The following PACRG variants were observed in gnomAD, a reference collection of about 807,000 sequenced individuals.
The protein encoded by PACRG is parkin coregulated gene protein.
PACRG carries 29 observed loss-of-function variants against 29.7 expected under a neutral mutation model. That is an observed-to-expected ratio of 0.98 (90% CI 0.73 to 1.33). The LOEUF is 1.33. PACRG is among the 40% of genes most tolerant of loss of function. The pLI, the probability that PACRG is intolerant of heterozygous loss-of-function variation, is 0.00. For synonymous variants in PACRG, 116 were observed against 118.7 expected, an observed-to-expected ratio of 0.98 and a Z score of 0.15; for missense variants, 279 against 316.2, an observed-to-expected ratio of 0.88 and a Z score of 0.89.
At chr6:162,805,426 G>A (rs1786238451) in intron 1 of PACRG, among the ~76,000 whole-genome samples, 2 of 152,170 alleles carry the variant, frequency 1.3e-5, no homozygotes, top group African/African-American at 2.4e-5. Flanking sequence ...CTTTTTGCTG[G>A]TGGAGGGTCT....
chr6:162,916,360 T>C (rs1014048906), intron 2 of PACRG, among the ~76,000 whole-genome samples: 13 of 152,178 alleles, frequency 8.5e-5, no homozygotes, highest in African/African-American at 3.1e-4. Flanking sequence ...ATGTGTTTGG[T>C]CATGGTTTCT....
At chr6:162,836,375 A>C (rs1296626488) in intron 2 of PACRG, among the ~76,000 whole-genome samples, 1 of 152,044 alleles carries the variant, frequency 6.6e-6, no homozygotes, top group African/African-American at 2.4e-5. Flanking sequence ...TCCTCTTCGC[A>C]TTCTCCTCAA....
At position 163,055,512 on chromosome 6, in the gene PACRG, C is replaced by G. The variant is rs903738400; in HGVS notation, c.292-6638C>G. On this transcript the variant is annotated intron_variant, in intron 2 of 4. Coordinates refer to ENST00000366888, the MANE Select transcript of PACRG (RefSeq NM_001080379.2). This position sits in a 1 kb window ranked among gnomAD's most constrained non-coding sequence, Gnocchi z 4.0. The stretch of plus-strand genomic sequence containing the variant: ...ACAAAATTATTATAATAAAAAGGAA[C>G]CCTGGAAGATATGTAAAAGGAATTT... Among the ~76,000 whole-genome samples the G allele has an allele frequency of 1.3e-5, 2 of 152,002 alleles. No homozygotes were observed. The highest frequency in any genetic ancestry group is 2.9e-5 in the Non-Finnish European group (2 of 68,004).
chr6:162,814,120 A>G, intron 1 of PACRG, 27 bp from the exon 2 acceptor site: 1 of 1,590,932 alleles, frequency 6.3e-7, no homozygotes, highest in Non-Finnish European at 8.5e-7. Flanking sequence ...TTAAAACCTG[A>G]TCCCTATTTT....
intron 4 of PACRG, among the ~76,000 whole-genome samples, chr6:163,260,064 C>A (rs1783263149): frequency 6.6e-6 from 1 of 152,238 alleles, no homozygotes; most frequent in African/African-American, 2.4e-5. Context: ...CTCCAAGCCC[C>A]AGCCCCTGGC....
chr6:163,021,459 C>T (rs899866306), intron 2 of PACRG, among the ~76,000 whole-genome samples: 1 of 152,166 alleles, frequency 6.6e-6, no homozygotes, highest in East Asian at 1.9e-4. Flanking sequence ...ATCCTACTGA[C>T]CCTGTAAGGT....
chr6:162,872,901 A>C (rs1297147149), intron 2 of PACRG, among the ~76,000 whole-genome samples: 2 of 152,180 alleles, frequency 1.3e-5, no homozygotes, highest in Non-Finnish European at 2.9e-5. Flanking sequence ...ATCTCTTATA[A>C]TTATACTGAT....
At chr6:163,082,654 A>G (rs1813191748) in intron 3 of PACRG, among the ~76,000 whole-genome samples, 1 of 152,182 alleles carries the variant, frequency 6.6e-6, no homozygotes. Flanking sequence ...TATGCAGTTT[A>G]CATTCTATTT....
chr6:163,041,145 A>G (rs6918120), intron 2 of PACRG, among the ~76,000 whole-genome samples: 83,992 of 151,700 alleles, frequency 0.55, 25,676 homozygotes, highest in East Asian at 0.96. Context: ...AGACCATCCC[A>G]GCTAACATGG....
intron 4 of PACRG, among the ~76,000 whole-genome samples, chr6:163,243,525 G>A (rs772351786): frequency 3.3e-5 from 5 of 152,062 alleles, no homozygotes; most frequent in Non-Finnish European, 7.4e-5. Flanking sequence ...CCAAGACTGT[G>A]TAGCTGGTTG....
intron 2 of PACRG, among the ~76,000 whole-genome samples, chr6:163,006,878 C>T (rs890394256): frequency 2.6e-5 from 4 of 151,308 alleles, no homozygotes; most frequent in Non-Finnish European, 5.9e-5. Context: ...GTTGGCTTCT[C>T]TTTTATACAA....
At chr6:163,025,807 G>A (rs1807075132) in intron 2 of PACRG, among the ~76,000 whole-genome samples, 1 of 152,228 alleles carries the variant, frequency 6.6e-6, no homozygotes, top group African/African-American at 2.4e-5. Flanking sequence ...AAGCCAGGGG[G>A]CAGGCCCAGG....
chr6:162,953,702 C>G (rs1799821779), intron 2 of PACRG, among the ~76,000 whole-genome samples: 2 of 150,196 alleles, frequency 1.3e-5, no homozygotes, highest in Non-Finnish European at 3.0e-5. Context: ...CCCCCCCACA[C>G]TTTCTCCCAC....
intron 3 of PACRG, among the ~76,000 whole-genome samples, chr6:163,086,669 T>C (rs574966789): frequency 6.6e-6 from 1 of 152,124 alleles, no homozygotes; most frequent in Admixed American, 6.5e-5. Context: ...AAAAACTTCC[T>C]AGTGATTCCA....
chr6:163,190,426 A>G (rs973741306), intron 4 of PACRG: 4 of 152,288 alleles, frequency 2.6e-5, no homozygotes, highest in African/African-American at 9.6e-5. Flanking sequence ...TAGTTAGTGC[A>G]GAGTTGCATT....
intron 4 of PACRG, chr6:163,101,178 T>C (rs1002807241): frequency 6.6e-5 from 65 of 979,060 alleles, no homozygotes; most frequent in Non-Finnish European, 7.0e-5. Flanking sequence ...AAACCCTACA[T>C]TTCATCTTAA....
intron 1 of PACRG, among the ~76,000 whole-genome samples, chr6:162,795,218 G>A (rs895317854): frequency 5.3e-5 from 8 of 151,700 alleles, no homozygotes; most frequent in African/African-American, 1.9e-4. Flanking sequence ...AATAGATGAG[G>A]AGATCAGAGA....
rs531356479 is a variant in PACRG, at chr6:163,224,368, CAAAAAAAAA to C, written c.614-90441_614-90433del. On this transcript the variant is annotated intron_variant, in intron 4 of 4. Coordinates refer to ENST00000366888, the MANE Select transcript of PACRG (RefSeq NM_001080379.2). ...TGGGCAACAGAGTGAGACTCCATCT[CAAAAAAAAA>C]AAAAAAAAAAAAAAAAAGAACAAAG... Among the ~76,000 whole-genome samples the C allele has an allele frequency of 1.5e-4, 7 of 47,280 alleles. 1 individual carries two copies. The highest frequency in any genetic ancestry group is 2.1e-4 in the Non-Finnish European group (5 of 24,194). The allele number at this position is 47,280 out of a possible 152,430, so 31.0% of individuals were successfully genotyped here. A position where few individuals can be genotyped will look rare whatever the true frequency, so the allele number is the denominator to read the frequency against.
chr6:163,252,880 A>G (rs1054922878), intron 4 of PACRG, among the ~76,000 whole-genome samples: 1 of 152,234 alleles, frequency 6.6e-6, no homozygotes, highest in African/African-American at 2.4e-5. Flanking sequence ...TTTGAAACTA[A>G]AAGTAAGCAA....
Sources: gnomAD v4.1 joint callset for allele counts (sites outside exome capture counted in the v4.1 genomes callset) on GRCh38, gnomAD v4.1.1 for gene constraint, Gnocchi (gnomAD v3.1) non-coding constraint, MANE v1.5 for transcripts, NCBI Gene and HGNC (gene_info 2026-07-23, HGNC 2026-07-21) for gene names.